The following INPP4B variants were observed in gnomAD, a reference collection of about 807,000 sequenced individuals.
INPP4B encodes inositol polyphosphate-4-phosphatase type II B.
A neutral mutation model predicts 122.5 loss-of-function variants in INPP4B; 55 were observed. The observed-to-expected ratio is 0.45, with a 90% CI of 0.36 to 0.56. The LOEUF (loss-of-function observed/expected upper bound fraction) is 0.56. Among genes scored for constraint, INPP4B ranks in the 20% least tolerant of loss-of-function variants. The probability of loss-of-function intolerance (pLI) is 0.00; values close to 1 mark genes in which losing one functional copy is unlikely to be tolerated. For missense variants in INPP4B, 1,000 were observed against 1,097.7 expected, an observed-to-expected ratio of 0.91 and a Z score of 1.26; for synonymous variants, 403 against 388.7, an observed-to-expected ratio of 1.04 and a Z score of -0.43.
At chr4:142,351,071 T>C (rs1355985197) in intron 7 of INPP4B, among the ~76,000 whole-genome samples, 1 of 152,000 alleles carries the variant, frequency 6.6e-6, no homozygotes, top group Non-Finnish European at 1.5e-5. Context: ...CTTCCTGTAA[T>C]AGCAGCTGAA....
intron 9 of INPP4B, 84 bp from the exon 10 acceptor site, chr4:142,270,858 C>T (rs576234816): frequency 3.5e-6 from 3 of 865,424 alleles, no homozygotes; most frequent in Non-Finnish European, 3.9e-6. Flanking sequence ...TTTCTGAAAA[C>T]CACCAGCATT....
chr4:142,648,718 C>T (rs1220131162), intron 2 of INPP4B, among the ~76,000 whole-genome samples: 1 of 152,214 alleles, frequency 6.6e-6, no homozygotes, highest in Non-Finnish European at 1.5e-5. Flanking sequence ...CGGACTACTG[C>T]CTCTATAGAA....
At chr4:142,383,445 T>C (rs1187967494) in intron 7 of INPP4B, among the ~76,000 whole-genome samples, 2 of 152,164 alleles carry the variant, frequency 1.3e-5, no homozygotes, top group African/African-American at 2.4e-5. Flanking sequence ...GGGTCAAACC[T>C]AACTGCCTAA....
chr4:142,779,996 GAGA>G (rs767407233), intron 1 of INPP4B, among the ~76,000 whole-genome samples: 52 of 152,256 alleles, frequency 3.4e-4, no homozygotes, highest in Middle Eastern at 6.8e-3. Flanking sequence ...CAGCAGATCA[GAGA>G]AGATGTGTCC....
intron 2 of INPP4B, among the ~76,000 whole-genome samples, chr4:142,623,564 T>C (rs1560879638): frequency 2.0e-5 from 3 of 151,930 alleles, no homozygotes; most frequent in Non-Finnish European, 2.9e-5. Context: ...TTCACTCCTT[T>C]TTTAAATTTT....
chr4:142,234,842 G>T, intron 12 of INPP4B, among the ~76,000 whole-genome samples: 1 of 152,138 alleles, frequency 6.6e-6, no homozygotes, highest in East Asian at 1.9e-4. Context: ...GTGCCCACCA[G>T]CCCCTTCCAT....
At chr4:142,432,865 C>T (rs1000128434) in intron 3 of INPP4B, among the ~76,000 whole-genome samples, 63 of 152,068 alleles carry the variant, frequency 4.1e-4, no homozygotes, top group African/African-American at 1.4e-3. Context: ...CCTCAGCACA[C>T]TATCGGTGAA....
chr4:142,051,649 G>A (rs1013157831), intron 25 of INPP4B, among the ~76,000 whole-genome samples: 1 of 151,926 alleles, frequency 6.6e-6, no homozygotes, highest in Non-Finnish European at 1.5e-5. Flanking sequence ...TAACATCAGC[G>A]TTGCTCTACA....
chr4:142,321,606 T>C (rs945966166), intron 7 of INPP4B, among the ~76,000 whole-genome samples: 1 of 152,346 alleles, frequency 6.6e-6, no homozygotes, highest in African/African-American at 2.4e-5. Flanking sequence ...GATTTGTGTA[T>C]GAGGTCAGAG....
chr4:142,677,721 T>C (rs1758020012), intron 2 of INPP4B, among the ~76,000 whole-genome samples: 1 of 152,076 alleles, frequency 6.6e-6, no homozygotes, highest in African/African-American at 2.4e-5. Context: ...AAACCATCAT[T>C]CTTAGCAAAC....
At chr4:142,732,767 C>G (rs572775629) in intron 1 of INPP4B, among the ~76,000 whole-genome samples, 46 of 152,036 alleles carry the variant, frequency 3.0e-4, no homozygotes, top group Non-Finnish European at 4.6e-4. Flanking sequence ...TCAAATTAAT[C>G]TGGATATTCA....
rs1200701380 is a variant in INPP4B, at chr4:142,537,429, T to TATATATAGAG, written c.-190-74704_-190-74703insCTCTATATAT. On this transcript the variant is annotated intron_variant, in intron 2 of 25. Transcript: ENST00000262992. ...ATATATATATATATATATATATATA[T>TATATATAGAG]AGAGAGAGAGAGAGAGAGAGAGAGA... Among the ~76,000 whole-genome samples, 63 of 25,468 alleles carry TATATATAGAG rather than the reference T, an allele frequency of 2.5e-3. 2 individuals carry two copies. Among genetic ancestry groups the TATATATAGAG allele is most frequent in the Non-Finnish European group, 3.6e-3 (39 of 10,914 alleles). 16.7% of individuals were successfully genotyped at this position (25,468 alleles called of 152,430 possible). A position where few individuals can be genotyped will look rare whatever the true frequency, so the allele number is the denominator to read the frequency against.
At position 142,126,547 on chromosome 4, in the gene INPP4B, A is replaced by C. The variant is rs1360081372; in HGVS notation, c.1721-1787T>G. 3.9e-5 allele frequency among the ~76,000 whole-genome samples: 6 copies of C among 152,200 alleles called. No individual in the cohort carries two copies. In the East Asian group the frequency reaches 1.2e-3, roughly 29 times the overall value. ...ATGTCATAATGTAAAATACATTAGAATGTTAGAAATTATTTTAAAAATATT... is the reference window on the plus strand; with the variant it reads ...ATGTCATAATGTAAAATACATTAGACTGTTAGAAATTATTTTAAAAATATT... On this transcript the variant is annotated intron_variant, in intron 18 of 25. Transcript: ENST00000262992.
At chr4:142,486,381 G>A (rs1230782615) in intron 2 of INPP4B, among the ~76,000 whole-genome samples, 3 of 152,026 alleles carry the variant, frequency 2.0e-5, no homozygotes, top group South Asian at 2.1e-4. Flanking sequence ...TTAGTTTTAA[G>A]CATTTTCATC....
intron 2 of INPP4B, among the ~76,000 whole-genome samples, chr4:142,679,876 A>G (rs1012793040): frequency 3.3e-5 from 5 of 151,750 alleles, no homozygotes; most frequent in Non-Finnish European, 5.9e-5. Context: ...ATACCCTTCA[A>G]TAGTACTCCC....
At chr4:142,391,476 C>A (rs989548025) in intron 7 of INPP4B, among the ~76,000 whole-genome samples, 6 of 152,146 alleles carry the variant, frequency 3.9e-5, no homozygotes, top group African/African-American at 1.2e-4. Flanking sequence ...GCAGGAGAAT[C>A]GCTTGAACCC....
chr4:142,249,481 A>C (rs1730855049), intron 11 of INPP4B, among the ~76,000 whole-genome samples: 1 of 152,178 alleles, frequency 6.6e-6, no homozygotes, highest in East Asian at 1.9e-4. Flanking sequence ...GAGAAAGAAA[A>C]CTATAAATGC....
At chr4:142,498,158 C>A (rs1358064862) in intron 2 of INPP4B, among the ~76,000 whole-genome samples, 2 of 146,992 alleles carry the variant, frequency 1.4e-5, no homozygotes, top group East Asian at 4.0e-4. Context: ...TATGTGTATA[C>A]ATATATATGT....
intron 2 of INPP4B, among the ~76,000 whole-genome samples, chr4:142,701,539 A>C (rs183982093): frequency 6.6e-6 from 1 of 152,138 alleles, no homozygotes; most frequent in African/African-American, 2.4e-5. Flanking sequence ...GGAAAGAAAA[A>C]GGGATTTGTC....
Sources: gnomAD v4.1 joint callset for allele counts (sites outside exome capture counted in the v4.1 genomes callset) on GRCh38, gnomAD v4.1.1 for gene constraint, MANE v1.5 for transcripts, NCBI Gene and HGNC (gene_info 2026-07-23, HGNC 2026-07-21) for gene names.